Variants in NRXN3 observed in about 807,000 individuals in gnomAD.
NRXN3 encodes the protein neurexin 3, also known as neurexin III.
A neutral mutation model predicts 137.6 loss-of-function variants in NRXN3; 32 were observed. That is an observed-to-expected ratio of 0.23 (90% CI 0.18 to 0.31). The LOEUF (loss-of-function observed/expected upper bound fraction) is 0.31. Ranked by LOEUF, NRXN3 falls within the 10% of genes least tolerant of loss-of-function variation. The probability of loss-of-function intolerance (pLI) is 1.00; values close to 1 mark genes in which losing one functional copy is unlikely to be tolerated. For missense variants in NRXN3, 1,574 were observed against 2,062.5 expected (o/e 0.76, Z 4.59); for synonymous variants, 798 against 784.5 (o/e 1.02, Z -0.29).
intron 15 of NRXN3, among the ~76,000 whole-genome samples, chr14:79,019,848 A>G (rs1168796951): frequency 6.6e-6 from 1 of 152,164 alleles, no homozygotes; most frequent in African/African-American, 2.4e-5. Context: ...GAGTAATCCA[A>G]TGAGGGAAAC....
intron 4 of NRXN3, among the ~76,000 whole-genome samples, chr14:78,302,541 C>T (rs1523132): frequency 0.33 from 49,997 of 151,980 alleles, 9,414 homozygotes; most frequent in African/African-American, 0.52. Context: ...GTGACCTCCA[C>T]GTTTAAGCCT....
At chr14:79,223,622 T>C (rs899791259) in intron 15 of NRXN3, among the ~76,000 whole-genome samples, 1 of 152,148 alleles carries the variant, frequency 6.6e-6, no homozygotes, top group African/African-American at 2.4e-5. Flanking sequence ...GGTCTGATGG[T>C]GATCCTGATC....
At chr14:78,523,391 G>A (rs1386483698) in intron 4 of NRXN3, among the ~76,000 whole-genome samples, 1 of 152,150 alleles carries the variant, frequency 6.6e-6, no homozygotes, top group African/African-American at 2.4e-5. Context: ...CAATAATTTG[G>A]TTGCTGCATA....
At chr14:78,763,310 G>A (rs1008222253) in intron 8 of NRXN3, among the ~76,000 whole-genome samples, 2 of 152,076 alleles carry the variant, frequency 1.3e-5, no homozygotes, top group African/African-American at 4.8e-5. Flanking sequence ...AACTAGCTGC[G>A]TGATCTTGGA....
At chr14:79,266,272 T>C (rs2078452944) in intron 15 of NRXN3, among the ~76,000 whole-genome samples, 1 of 152,172 alleles carries the variant, frequency 6.6e-6, no homozygotes, top group African/African-American at 2.4e-5. Context: ...TCTATATTAC[T>C]TCAAAACCTG....
chr14:79,425,147 C>T (rs1037547709), intron 15 of NRXN3, among the ~76,000 whole-genome samples: 3 of 152,016 alleles, frequency 2.0e-5, no homozygotes, highest in African/African-American at 7.3e-5. Context: ...CTTTTAACTC[C>T]CCTATGATCG....
At chr14:78,843,553 A>G (rs935206171) in intron 10 of NRXN3, among the ~76,000 whole-genome samples, 6 of 152,156 alleles carry the variant, frequency 3.9e-5, no homozygotes, top group Admixed American at 1.3e-4. Flanking sequence ...ACTTGTACAG[A>G]CGTAATACTA....
chr14:79,255,532 G>A (rs2076462821), intron 15 of NRXN3, among the ~76,000 whole-genome samples: 1 of 152,174 alleles, frequency 6.6e-6, no homozygotes, highest in African/African-American at 2.4e-5. Context: ...TTTGTAAAAT[G>A]GGAAAAAATT....
chr14:79,715,188 C>T (rs178381), intron 19 of NRXN3, among the ~76,000 whole-genome samples: 59,870 of 151,954 alleles, frequency 0.39, 12,705 homozygotes, highest in East Asian at 0.76. Context: ...CTCCTGACCT[C>T]GTGATCCACC....
chr14:78,364,740 A>G (rs1405471374), intron 4 of NRXN3, among the ~76,000 whole-genome samples: 1 of 152,218 alleles, frequency 6.6e-6, no homozygotes, highest in East Asian at 1.9e-4. Context: ...AACAACATCC[A>G]CAAAATAGAC....
At chr14:79,600,574 T>G (rs1394676747) in intron 16 of NRXN3, among the ~76,000 whole-genome samples, 1 of 152,176 alleles carries the variant, frequency 6.6e-6, no homozygotes, top group African/African-American at 2.4e-5. Flanking sequence ...CATAAGGTGA[T>G]TCAGCAGGGG....
chr14:78,324,018 A>C (rs1186968452), intron 4 of NRXN3, among the ~76,000 whole-genome samples: 1 of 152,052 alleles, frequency 6.6e-6, no homozygotes, highest in East Asian at 1.9e-4. Flanking sequence ...GTGTATAGCA[A>C]TATGTGTTAT....
chr14:78,780,744 A>C (rs1261855430), intron 8 of NRXN3, among the ~76,000 whole-genome samples: 1 of 152,250 alleles, frequency 6.6e-6, no homozygotes, highest in African/African-American at 2.4e-5. Flanking sequence ...ACAAATTCAA[A>C]AAGCATTGAG....
intron 16 of NRXN3, among the ~76,000 whole-genome samples, chr14:79,496,635 A>G (rs1601210587): frequency 6.6e-6 from 1 of 152,234 alleles, no homozygotes. Flanking sequence ...GTTTAGATTG[A>G]TGGGCCTAAT....
At chr14:78,541,858 C>T (rs1437916782) in intron 4 of NRXN3, among the ~76,000 whole-genome samples, 3 of 152,286 alleles carry the variant, frequency 2.0e-5, no homozygotes, top group African/African-American at 7.2e-5. Context: ...GTTAGTTTTC[C>T]TTCTAACAGT....
intron 19 of NRXN3, among the ~76,000 whole-genome samples, chr14:79,778,344 A>T (rs962795795): frequency 1.3e-5 from 2 of 152,186 alleles, no homozygotes; most frequent in African/African-American, 4.8e-5. Flanking sequence ...TGAACCCAGG[A>T]GGCGGAGGTT....
At chr14:79,508,389 G>GTTTTTTTTTTTTTTTTTTTTTTTTTTT (rs1567328889) in intron 16 of NRXN3, among the ~76,000 whole-genome samples, 4 of 12,558 alleles carry the variant, frequency 3.2e-4, no homozygotes, top group Non-Finnish European at 4.6e-4. Flanking sequence ...AACAATAACT[G>GTTTTTTTTTTTTTTTTTTTTTTTTTTT]ATTTTTTTTT....
At position 79,862,387 on chromosome 14, in the gene NRXN3, G is replaced by A. The variant is rs956194751; in HGVS notation, c.*423G>A. The A allele has an allele frequency of 6.5e-6, 1 of 153,758 alleles. No homozygotes were observed. Among genetic ancestry groups the A allele is most frequent in the Non-Finnish European group, 1.4e-5 (1 of 69,332 alleles). 9.5% of individuals were successfully genotyped at this position (153,758 alleles called of 1,614,324 possible). A position where few individuals can be genotyped will look rare whatever the true frequency, so the allele number is the denominator to read the frequency against. ...TCTGTAATGTTTGTGAAGCTTGACT[G>A]TAACCATGTTTTTTCTGTTTAATTA... On this transcript the variant is annotated 3_prime_UTR_variant, in exon 21 of 21. Transcript: ENST00000335750.
chr14:79,737,470 T>C (rs1057007976), intron 19 of NRXN3, among the ~76,000 whole-genome samples: 5 of 152,238 alleles, frequency 3.3e-5, no homozygotes, highest in Non-Finnish European at 7.3e-5. Context: ...TATAGTGGTA[T>C]ATAATTACTA....
Sources: gnomAD v4.1 joint callset for allele counts (sites outside exome capture counted in the v4.1 genomes callset) on GRCh38, gnomAD v4.1.1 for gene constraint, MANE v1.5 for transcripts, NCBI Gene and HGNC (gene_info 2026-07-23, HGNC 2026-07-21) for gene names.